The following SCN10A variants were observed in gnomAD, a reference collection of about 807,000 sequenced individuals.
SCN10A encodes sodium voltage-gated channel alpha subunit 10.
SCN10A carries 162 observed loss-of-function variants against 170.7 expected under a neutral mutation model. The ratio of observed to expected loss-of-function variants is 0.95; its 90% CI spans 0.84 to 1.08. The LOEUF (loss-of-function observed/expected upper bound fraction) is 1.08, where lower values mean the gene tolerates loss of function less well. SCN10A is among the 50% of genes least tolerant of loss of function. SCN10A has a pLI of 0.00. For missense variants in SCN10A, 2,527 were observed against 2,436.9 expected, an observed-to-expected ratio of 1.04 and a Z score of -0.78; for synonymous variants, 985 against 904.6, an observed-to-expected ratio of 1.09 and a Z score of -1.59.
chr3:38,767,917 T>G (rs901293524), intron 5 of SCN10A, among the ~76,000 whole-genome samples: 6 of 152,124 alleles, frequency 3.9e-5, no homozygotes, highest in African/African-American at 1.4e-4. Context: ...ATTTGGGAGC[T>G]CCAGTGTTAG....
At chr3:38,764,016 CA>C (rs1425228324) in intron 5 of SCN10A, among the ~76,000 whole-genome samples, 3 of 152,152 alleles carry the variant, frequency 2.0e-5, no homozygotes, top group Non-Finnish European at 2.9e-5. Flanking sequence ...TCTTGGAAAG[CA>C]ACCCCCGAAG....
In SCN10A at chr3:38,792,047, T is replaced by C; in HGVS notation, c.389+3A>G. 1.2e-6 allele frequency: 2 copies of C among 1,613,486 alleles called. No homozygotes were observed. Among genetic ancestry groups the C allele is most frequent in the Non-Finnish European group, 1.7e-6 (2 of 1,179,630 alleles). On this transcript the variant is annotated splice_donor_region_variant and intron_variant, in intron 3 of 27. Coordinates refer to ENST00000449082, the MANE Select transcript of SCN10A (RefSeq NM_006514.4). ...GTGGAAGAGGCAATCGTGCAAAGGA[T>C]ATGAGTGGACAGACACTTTGATGGC...
At chr3:38,759,798 T>C (rs765697384) in intron 8 of SCN10A, among the ~76,000 whole-genome samples, 1 of 152,188 alleles carries the variant, frequency 6.6e-6, no homozygotes, top group Admixed American at 6.5e-5. Context: ...GACCGAGCAG[T>C]GGGGCTGTCC....
chr3:38,808,270 T>C (rs768746590), intron 1 of SCN10A, among the ~76,000 whole-genome samples: 7 of 152,198 alleles, frequency 4.6e-5, no homozygotes, highest in Non-Finnish European at 8.8e-5. Context: ...TCAGCAATGC[T>C]TTTGTCCTTC....
Position 38,770,303 on chromosome 3 carries a change from C to T in SCN10A, c.599+976G>A, listed in dbSNP as rs528054745. On this transcript the variant is annotated intron_variant, in intron 5 of 27. Transcript: ENST00000449082. ...TTAGTTTCTTAGGTGATGAGCAGGG[C>T]CATAAAGCTTCCGAGAGTTTCTGGG... is the stretch of plus-strand genomic sequence containing the variant. Among the ~76,000 whole-genome samples, 3 of 152,208 alleles carry T rather than the reference C, an allele frequency of 2.0e-5. No individual in the cohort carries two copies. In the East Asian group the frequency reaches 5.8e-4, roughly 29 times the overall value.
intron 10 of SCN10A, 93 bp from the exon 11 acceptor site, chr3:38,756,051 T>C: frequency 1.4e-6 from 2 of 1,386,780 alleles, no homozygotes; most frequent in Non-Finnish European, 1.0e-6. Context: ...GGGTGAGAGA[T>C]CTGAAACAGA....
At chr3:38,746,063 G>GTGTATATATA (rs1293476818) in intron 13 of SCN10A, among the ~76,000 whole-genome samples, 5 of 61,626 alleles carry the variant, frequency 8.1e-5, no homozygotes, top group South Asian at 1.4e-3. Context: ...GTGTGTATGT[G>GTGTATATATA]TATATATATA....
chr3:38,714,062 T>C lies in SCN10A; in HGVS notation c.3700A>G (p.Thr1234Ala). 6.2e-7 allele frequency: 1 copy of C among 1,614,164 alleles called. No homozygotes were observed. Among genetic ancestry groups the C allele is most frequent in the Non-Finnish European group, 8.5e-7 (1 of 1,180,016 alleles). The change falls in exon 22 of 28, where the codon ACA (threonine) becomes GCA (alanine). Residue 1234 changes from threonine (T) to alanine (A), a missense_variant. Coordinates refer to ENST00000449082, the MANE Select transcript of SCN10A (RefSeq NM_006514.4). ...TCAGAATATTCCAGAATCTTCGCTG[T>C]GAGACTTATCAGTGAGATCTGAGTG... The part of the protein sequence containing the change: ...LIVNISLISL[T>A]AKILEYSEVA...
chr3:38,721,017 C>T (rs2063384165), intron 20 of SCN10A, among the ~76,000 whole-genome samples: 1 of 152,164 alleles, frequency 6.6e-6, no homozygotes, highest in African/African-American at 2.4e-5. Flanking sequence ...CCCCCTCCAC[C>T]CAGGATGGCA....
chr3:38,723,286 G>A, intron 19 of SCN10A, 144 bp downstream of exon 19: 1 of 955,700 alleles, frequency 1.0e-6, no homozygotes, highest in Non-Finnish European at 1.6e-6. Context: ...ATGTGTGTCT[G>A]ATGCGGGCGC....
At chr3:38,737,604 T>A (rs2063578802) in intron 15 of SCN10A, among the ~76,000 whole-genome samples, 1 of 152,252 alleles carries the variant, frequency 6.6e-6, no homozygotes, top group Admixed American at 6.5e-5. Flanking sequence ...CTTTATTTGG[T>A]CTTTAGAGTG....
chr3:38,743,939 C>T (rs2063660052), intron 13 of SCN10A, among the ~76,000 whole-genome samples: 1 of 152,170 alleles, frequency 6.6e-6, no homozygotes, highest in African/African-American at 2.4e-5. Context: ...ACTGTGTTCA[C>T]CTCGATGGAG....
At position 38,755,805 on chromosome 3, in the gene SCN10A, A is replaced by G. The variant is rs150383700; in HGVS notation, c.1444T>C (p.Tyr482His). Residue 482 changes from tyrosine to histidine, a missense_variant, in exon 11 of 28, where the codon TAC becomes CAC. Physicochemically the swap from Tyr to His is moderately conservative, Grantham distance 83. Coordinates refer to ENST00000449082, the MANE Select transcript of SCN10A (RefSeq NM_006514.4). ...CCTCTTACCATCCTGCGCTGGTTGTAAGGATCAGAGCGGGGTGATTTGTTG... is the reference window on the plus strand; with the variant it reads ...CCTCTTACCATCCTGCGCTGGTTGTGAGGATCAGAGCGGGGTGATTTGTTG... Reference protein sequence around the residue: ...EDNKSPRSDPYNQRRMSFLGL... With the variant: ...EDNKSPRSDPHNQRRMSFLGL... 55 of 1,613,718 alleles carry G rather than the reference A, an allele frequency of 3.4e-5. No homozygotes were observed. The highest frequency in any genetic ancestry group is 8.5e-6 in the Non-Finnish European group (10 of 1,180,018).
intron 4 of SCN10A, among the ~76,000 whole-genome samples, chr3:38,785,170 T>C (rs9878604): frequency 0.65 from 98,475 of 152,014 alleles, 32,194 homozygotes; most frequent in Admixed American, 0.77. Context: ...GCCCGCATAG[T>C]CAAGACAATT....
In SCN10A at chr3:38,756,767, C is replaced by A; in HGVS notation, c.1197G>T (p.Ala399=). 3.1e-6 allele frequency: 5 copies of A among 1,614,142 alleles called. 1 individual carries two copies. In the South Asian group the frequency reaches 3.3e-5, roughly 11 times the overall value. Residue 399 remains alanine, a synonymous_variant, in exon 10 of 28, where the codon GCG becomes GCT. Transcript: ENST00000449082. ...TGGTTGCCTGGTTCTGCTCCTCATA[C>A]GCCATGGTGACTACAGCCAAGATCA... is the stretch of plus-strand genomic sequence containing the variant. ...VNLILAVVTM[A]YEEQNQATTD...
intron 1 of SCN10A, among the ~76,000 whole-genome samples, chr3:38,811,452 CA>C (rs11400508): frequency 1.6e-3 from 209 of 127,952 alleles, no homozygotes; most frequent in East Asian, 0.015. Flanking sequence ...GACTCCATCT[CA>C]AAAAAAAAAA....
chr3:38,796,343 T>C (rs1219854671), intron 1 of SCN10A, among the ~76,000 whole-genome samples: 1 of 152,178 alleles, frequency 6.6e-6, no homozygotes, highest in East Asian at 1.9e-4. Flanking sequence ...CATATCTCTC[T>C]AACCTCTCCA....
In SCN10A at chr3:38,793,779, G is replaced by T. The variant is rs753292241; in HGVS notation, c.232C>A (p.Pro78Thr). The change falls in exon 2 of 28, where the codon CCC becomes ACC. Residue 78 changes from proline (P) to threonine (T), a missense_variant. Pro to Thr is a conservative substitution (Grantham distance 38, BLOSUM62 -1). Coordinates refer to ENST00000449082, the MANE Select transcript of SCN10A (RefSeq NM_006514.4). The stretch of plus-strand genomic sequence containing the variant: ...TAGAACGGATCTAGATCCTCCAGGG[G>T]CTCCCCGATCAGTTCTGCTGGGAGC... ...GELPAELIGEPLEDLDPFYST... is the reference protein window; with the variant it reads ...GELPAELIGETLEDLDPFYST... 3.1e-6 allele frequency: 5 copies of T among 1,613,700 alleles called. No individual in the cohort carries two copies. Among genetic ancestry groups the T allele is most frequent in the Middle Eastern group, 1.6e-4 (1 of 6,078 alleles).
rs754000384 is a variant in SCN10A at position 38,742,513 on chromosome 3, T to C, written c.1884A>G (p.Glu628=). 5 of 1,614,088 alleles carry C rather than the reference T, an allele frequency of 3.1e-6. No individual in the cohort carries two copies. The highest frequency in any genetic ancestry group is 2.2e-5 in the East Asian group (1 of 44,884). The change falls in exon 14 of 28, where the codon GAA becomes GAG. Residue 628 remains glutamate (E), a synonymous_variant. Transcript: ENST00000449082. The stretch of plus-strand genomic sequence containing the variant: ...TGGTCAAGCAGGGTGGGCACTTCTG[T>C]TCAGACTCCTCGAGTTCTGCATTAT... ...TSVLEELEES[E]QKCPPCLTSL...
Sources: gnomAD v4.1 joint callset for allele counts (sites outside exome capture counted in the v4.1 genomes callset) on GRCh38, gnomAD v4.1.1 for gene constraint, MANE v1.5 for transcripts, NCBI Gene and HGNC (gene_info 2026-07-23, HGNC 2026-07-21) for gene names.